Variants in DOCK3 observed in about 807,000 individuals in gnomAD.
DOCK3 encodes dedicator of cytokinesis 3.
In DOCK3, 60 loss-of-function variants were observed where a neutral mutation model predicts 265.6. The ratio of observed to expected loss-of-function variants is 0.23; its 90% CI spans 0.18 to 0.28. The LOEUF is 0.28. DOCK3 is among the 10% of genes least tolerant of loss of function. The pLI, the probability that DOCK3 is intolerant of heterozygous loss-of-function variation, is 1.00. For synonymous variants in DOCK3, 881 were observed against 938.0 expected (o/e 0.94, Z 1.11); for missense variants, 1,981 against 2,594.3 (o/e 0.76, Z 5.14).
At chr3:50,936,465 GAACTCCAAATGGGAA>G (rs1432957365) in intron 5 of DOCK3, among the ~76,000 whole-genome samples, 1 of 151,764 alleles carries the variant, frequency 6.6e-6, no homozygotes, top group Non-Finnish European at 1.5e-5. Context: ...GAAGCTTAGT[GAACTCCAAATGGGAA>G]AACCCCAAAG....
intron 5 of DOCK3, among the ~76,000 whole-genome samples, chr3:51,037,542 A>G (rs1171727107): frequency 6.6e-6 from 1 of 152,158 alleles, no homozygotes; most frequent in Non-Finnish European, 1.5e-5. Flanking sequence ...CAGTTAATTA[A>G]TATACACTAT....
intron 14 of DOCK3, among the ~76,000 whole-genome samples, chr3:51,223,478 C>T (rs182739104): frequency 6.6e-6 from 1 of 151,976 alleles, no homozygotes; most frequent in East Asian, 1.9e-4. Context: ...AAATGAAGCA[C>T]CTATTCTTTA....
intron 3 of DOCK3, among the ~76,000 whole-genome samples, chr3:50,860,914 C>T (rs1306169950): frequency 6.6e-6 from 1 of 152,216 alleles, no homozygotes; most frequent in African/African-American, 2.4e-5. Context: ...GCAGTCTAAC[C>T]TTCCACTTTG....
At chr3:51,318,695 T>TA (rs1176302784) in intron 32 of DOCK3, among the ~76,000 whole-genome samples, 2 of 152,010 alleles carry the variant, frequency 1.3e-5, no homozygotes, top group Admixed American at 6.6e-5. Flanking sequence ...GAGTAAAACT[T>TA]ACGTTTATCT....
At chr3:50,733,521 C>T (rs2038352818) in intron 1 of DOCK3, among the ~76,000 whole-genome samples, 1 of 152,160 alleles carries the variant, frequency 6.6e-6, no homozygotes, top group African/African-American at 2.4e-5. Context: ...CCTATTTTGT[C>T]TGATACAAGT....
chr3:51,281,696 A>C (rs1576641468), intron 27 of DOCK3, among the ~76,000 whole-genome samples: 2 of 152,262 alleles, frequency 1.3e-5, no homozygotes, highest in Middle Eastern at 6.8e-3. Flanking sequence ...GATAGTGTGT[A>C]TCTAAAAGTG....
intron 12 of DOCK3, among the ~76,000 whole-genome samples, chr3:51,172,587 A>G (rs1246335840): frequency 6.6e-6 from 1 of 152,182 alleles, no homozygotes; most frequent in Non-Finnish European, 1.5e-5. Flanking sequence ...TTTAGAATGG[A>G]GAATTTGGTC....
At chr3:50,804,262 G>T (rs1315931060) in intron 2 of DOCK3, among the ~76,000 whole-genome samples, 1 of 151,834 alleles carries the variant, frequency 6.6e-6, no homozygotes, top group Admixed American at 6.6e-5. Flanking sequence ...AGACTGGGCG[G>T]CCAGGCAGAG....
At chr3:50,812,723 A>G (rs980288150) in intron 2 of DOCK3, among the ~76,000 whole-genome samples, 15 of 152,220 alleles carry the variant, frequency 9.9e-5, no homozygotes, top group Non-Finnish European at 2.2e-4. Context: ...TGCTTTATTC[A>G]GTCTACTGAT....
intron 9 of DOCK3, among the ~76,000 whole-genome samples, chr3:51,122,750 G>C (rs1023395902): frequency 6.6e-6 from 1 of 152,208 alleles, no homozygotes; most frequent in East Asian, 1.9e-4. Context: ...GAAATGGAGG[G>C]ATTGGCTTGC....
intron 27 of DOCK3, among the ~76,000 whole-genome samples, chr3:51,303,030 G>C (rs1052110600): frequency 1.9e-4 from 29 of 151,992 alleles, no homozygotes; most frequent in African/African-American, 6.3e-4. Flanking sequence ...TCTTGGTTCT[G>C]TTCTCCCTGT....
chr3:51,370,811 T>C (rs978696132), intron 49 of DOCK3, among the ~76,000 whole-genome samples: 8 of 152,364 alleles, frequency 5.3e-5, no homozygotes, highest in Non-Finnish European at 1.2e-4. Context: ...CAATTCTCAC[T>C]TGGTGTCAGA....
chr3:51,372,147 C>T (rs571646216), intron 49 of DOCK3, among the ~76,000 whole-genome samples: 1 of 152,248 alleles, frequency 6.6e-6, no homozygotes, highest in South Asian at 2.1e-4. Context: ...TTGACAGCTC[C>T]CCCTGCTGAT....
intron 12 of DOCK3, among the ~76,000 whole-genome samples, chr3:51,184,871 G>A (rs2087505850): frequency 6.6e-6 from 1 of 152,144 alleles, no homozygotes; most frequent in South Asian, 2.1e-4. Flanking sequence ...GCAGGCAAAA[G>A]TCATGCTGAT....
chr3:51,024,300 G>C (rs1395114428), intron 5 of DOCK3, among the ~76,000 whole-genome samples: 1 of 152,092 alleles, frequency 6.6e-6, no homozygotes, highest in African/African-American at 2.4e-5. Context: ...ATGGTGTATG[G>C]TTTATTTATT....
intron 9 of DOCK3, among the ~76,000 whole-genome samples, chr3:51,096,623 A>G (rs1433351590): frequency 2.0e-5 from 3 of 152,124 alleles, no homozygotes; most frequent in African/African-American, 7.2e-5. Flanking sequence ...GTTATTACCC[A>G]CCTTCTGAAG....
At chr3:50,930,738 C>T (rs989783471) in intron 4 of DOCK3, among the ~76,000 whole-genome samples, 1 of 152,194 alleles carries the variant, frequency 6.6e-6, no homozygotes, top group Non-Finnish European at 1.5e-5. Context: ...CTGTGCAGAC[C>T]CTTATGGGGC....
intron 5 of DOCK3, among the ~76,000 whole-genome samples, chr3:51,034,029 G>A (rs780514865): frequency 7.9e-5 from 12 of 151,952 alleles, no homozygotes; most frequent in Non-Finnish European, 1.6e-4. Flanking sequence ...ATGTCTTATC[G>A]TTCTTAGTAG....
intron 4 of DOCK3, among the ~76,000 whole-genome samples, chr3:50,933,774 G>A (rs2051200997): frequency 6.6e-6 from 1 of 152,172 alleles, no homozygotes; most frequent in South Asian, 2.1e-4. Flanking sequence ...AGGACATACA[G>A]TAAAACCCAA....
Sources: allele counts gnomAD v4.1 joint callset (sites outside exome capture counted in the v4.1 genomes callset), GRCh38; gene constraint gnomAD v4.1.1; transcripts MANE v1.5; gene names NCBI Gene and HGNC (gene_info 2026-07-23, HGNC 2026-07-21).